The following AMMECR1 variants were observed in gnomAD, a reference collection of about 807,000 sequenced individuals.
The protein encoded by AMMECR1 is AMMECR nuclear protein 1.
AMMECR1 carries 3 observed loss-of-function variants against 22.5 expected under a neutral mutation model. That is an observed-to-expected ratio of 0.13 (90% CI 0.06 to 0.35). The LOEUF (loss-of-function observed/expected upper bound fraction) is 0.35, where lower values mean the gene tolerates loss of function less well. Among genes scored for constraint, AMMECR1 ranks in the 10% least tolerant of loss-of-function variants. The pLI is 1.00. For missense variants in AMMECR1, 235 were observed against 278.7 expected (o/e 0.84, Z 1.12); for synonymous variants, 130 against 116.7 (o/e 1.11, Z -0.74).
chrX:110,271,353 T>C (rs2067797352), intron 1 of AMMECR1, among the ~76,000 whole-genome samples: 1 of 112,683 alleles, frequency 8.9e-6, no homozygotes, highest in South Asian at 3.6e-4. Flanking sequence ...CTCCCATTTA[T>C]ATAATTCCAA....
At chrX:110,348,912 T>C (rs1381084405) in intron 2 of AMMECR1, among the ~76,000 whole-genome samples, 1 of 112,160 alleles carries the variant, frequency 8.9e-6, no homozygotes, top group Non-Finnish European at 1.9e-5. Flanking sequence ...TTTTGTAAAA[T>C]TTGAATTTTT....
At position 110,292,357 on chromosome X, in the gene AMMECR1, C is replaced by T. The variant is rs761463521; in HGVS notation, c.473+25242G>A. Among the ~76,000 whole-genome samples, 404 of 111,327 alleles carry T rather than the reference C, an allele frequency of 3.6e-3. 2 individuals are homozygous for T. Among genetic ancestry groups the T allele is most frequent in the African/African-American group, 0.013 (387 of 30,407 alleles). ...ATACACTCCAGCAATCATGCTCCTT[C>T]GTATTTACCCAAAGGAGCTGAAACC... On this transcript the variant is annotated intron_variant, in intron 1 of 5. Transcript: ENST00000262844.
At chrX:110,397,206 C>T (rs949877751) in intron 2 of AMMECR1, among the ~76,000 whole-genome samples, 3 of 111,088 alleles carry the variant, frequency 2.7e-5, no homozygotes, top group African/African-American at 6.6e-5. Flanking sequence ...GCTTGATCTC[C>T]ATGTCTAATT....
intron 2 of AMMECR1, among the ~76,000 whole-genome samples, chrX:110,253,262 G>A (rs1485647608): frequency 8.9e-6 from 1 of 112,639 alleles, no homozygotes; most frequent in Non-Finnish European, 1.9e-5. Flanking sequence ...TTTTACTCTA[G>A]GTGAGAAAGG....
At chrX:110,233,295 G>A (rs1424415865) in intron 2 of AMMECR1, among the ~76,000 whole-genome samples, 3 of 111,905 alleles carry the variant, frequency 2.7e-5, no homozygotes, top group African/African-American at 9.7e-5. Context: ...GAATTTGAAT[G>A]TCTGAATAGA....
rs553099629 is a variant in AMMECR1, at chrX:110,247,930, T to C, written c.584+16559A>G. Among the ~76,000 whole-genome samples, 3 of 112,308 alleles carry C rather than the reference T, an allele frequency of 2.7e-5. No homozygotes were observed. In the Admixed American group the frequency reaches 2.8e-4, roughly 11 times the overall value. ...AATGGTTCAGGAGCAAAATAGAAGA[T>C]AATGAATGATGCCTATGATTCTAAA... On this transcript the variant is annotated intron_variant, in intron 2 of 5. Transcript: ENST00000262844.
At chrX:110,439,164 C>T (rs1049407778) in intron 1 of AMMECR1, among the ~76,000 whole-genome samples, 2 of 111,915 alleles carry the variant, frequency 1.8e-5, no homozygotes. Context: ...GCTGATTCTC[C>T]CTTTGTGAGC....
At chrX:110,331,844 G>A (rs1328392230) in intron 2 of AMMECR1, among the ~76,000 whole-genome samples, 1 of 110,664 alleles carries the variant, frequency 9.0e-6, no homozygotes, top group Non-Finnish European at 1.9e-5. Context: ...TCAGATTATT[G>A]GCAGTTCCTT....
rs1184191428 is a variant in AMMECR1, at chrX:110,195,264, G to A, written c.*3256C>T. 2 of 111,802 alleles carry A rather than the reference G, an allele frequency of 1.8e-5. No homozygotes were observed. The highest frequency in any genetic ancestry group is 3.8e-5 in the Non-Finnish European group (2 of 53,164). 9.2% of individuals were successfully genotyped at this position (111,802 alleles called of 1,213,427 possible). On this transcript the variant is annotated 3_prime_UTR_variant, in exon 6 of 6. Coordinates refer to ENST00000262844, the MANE Select transcript of AMMECR1 (RefSeq NM_015365.3). ...ACTGCTTTAAGCTTTAAGGGTGAGG[G>A]GAAGCAAGCCTTGCACTTCCTCCAT... is the stretch of plus-strand genomic sequence containing the variant.
chrX:110,387,375 A>G (rs947862812), intron 2 of AMMECR1, among the ~76,000 whole-genome samples: 5 of 112,190 alleles, frequency 4.5e-5, no homozygotes, highest in African/African-American at 1.6e-4. Flanking sequence ...ATTTAACTGG[A>G]CAAATTTCAC....
rs1214547697 is a variant in AMMECR1, at chrX:110,196,386, TG to T, written c.*2133del. On this transcript the variant is annotated 3_prime_UTR_variant, in exon 6 of 6. Coordinates refer to ENST00000262844, the MANE Select transcript of AMMECR1 (RefSeq NM_015365.3). ...TTATTTACCTTTTTTTCCTTTTTTT[TG>T]TTTTTTGTTTTGTTTTTTTTTTGTT... The T allele has an allele frequency of 4.6e-5, 5 of 108,894 alleles. No individual in the cohort carries two copies. Among genetic ancestry groups the T allele is most frequent in the Admixed American group, 9.7e-5 (1 of 10,336 alleles). 9.0% of individuals were successfully genotyped at this position (108,894 alleles called of 1,213,427 possible).
At position 110,289,132 on chromosome X, in the gene AMMECR1, A is replaced by G. The variant is rs138559393; in HGVS notation, c.474-24533T>C. Among the ~76,000 whole-genome samples, 372 of 111,754 alleles carry G rather than the reference A, an allele frequency of 3.3e-3. 1 individual carries two copies. Among genetic ancestry groups the G allele is most frequent in the African/African-American group, 9.6e-3 (296 of 30,798 alleles). On this transcript the variant is annotated intron_variant, in intron 1 of 5. Transcript: ENST00000262844. ...TGTCCATGAATCCTTCCCTCAACAAATAAGTCCATTAACTTCAAAATTATT... is the reference window on the plus strand; with the variant it reads ...TGTCCATGAATCCTTCCCTCAACAAGTAAGTCCATTAACTTCAAAATTATT...
intron 2 of AMMECR1, among the ~76,000 whole-genome samples, chrX:110,234,249 T>C (rs1409030066): frequency 4.5e-5 from 5 of 111,390 alleles, no homozygotes; most frequent in Non-Finnish European, 9.4e-5. Context: ...GAGAATAAAA[T>C]ACCTAGGAAT....
At chrX:110,436,703 C>T (rs1459219512) in intron 1 of AMMECR1, among the ~76,000 whole-genome samples, 1 of 111,567 alleles carries the variant, frequency 9.0e-6, no homozygotes, top group South Asian at 3.8e-4. Context: ...TGGGGAGGGA[C>T]AGAGAGAGAA....
At position 110,339,969 on chromosome X, in the gene AMMECR1, A is replaced by AAC. The variant is rs1196397497; in HGVS notation, c.-147-22122_-147-22121dup. 7.5e-3 allele frequency among the ~76,000 whole-genome samples: 679 copies of AAC among 90,036 alleles called. 16 individuals carry two copies. Among genetic ancestry groups the AAC allele is most frequent in the African/African-American group, 0.028 (633 of 22,756 alleles). The allele number at this position is 90,036 out of a possible 115,157, so 78.2% of individuals were successfully genotyped here. ...GATTTTTTGCTGTAGTTGAAGGCAA[A>AAC]ACATACACACACACACACACACACA... On this transcript the variant is annotated intron_variant, in intron 2 of 7. Transcript: ENST00000372057.
chrX:110,267,760 T>C (rs1405491886), intron 1 of AMMECR1, among the ~76,000 whole-genome samples: 1 of 112,223 alleles, frequency 8.9e-6, no homozygotes, highest in Non-Finnish European at 1.9e-5. Context: ...CCAGGAAATA[T>C]ATACATACAC....
chrX:110,290,355 C>G (rs991921968), intron 1 of AMMECR1, among the ~76,000 whole-genome samples: 3 of 111,269 alleles, frequency 2.7e-5, no homozygotes, highest in Non-Finnish European at 5.7e-5. Context: ...ACATAACCAC[C>G]CGATATTGAT....
chrX:110,334,422 T>A (rs1469878128), intron 2 of AMMECR1, among the ~76,000 whole-genome samples: 1 of 111,765 alleles, frequency 8.9e-6, no homozygotes, highest in Non-Finnish European at 1.9e-5. Context: ...GTAAGAAAAA[T>A]TGCTTTGAAA....
At chrX:110,290,110 A>C (rs758660508) in intron 1 of AMMECR1, among the ~76,000 whole-genome samples, 4 of 112,013 alleles carry the variant, frequency 3.6e-5, no homozygotes, top group Non-Finnish European at 7.5e-5. Flanking sequence ...TGATTTGGTT[A>C]CAAAAAATTA....
Sources: allele counts gnomAD v4.1 joint callset (sites outside exome capture counted in the v4.1 genomes callset), GRCh38; gene constraint gnomAD v4.1.1; transcripts MANE v1.5; gene names NCBI Gene and HGNC (gene_info 2026-07-23, HGNC 2026-07-21).